PHLDB1: variants seen among roughly 807,000 people sequenced by gnomAD.
PHLDB1 encodes pleckstrin homology like domain family B member 1.
A neutral mutation model predicts 139.3 loss-of-function variants in PHLDB1; 65 were observed. The observed-to-expected ratio is 0.47, with a 90% confidence interval of 0.38 to 0.57. The LOEUF (loss-of-function observed/expected upper bound fraction) is 0.57, where lower values mean the gene tolerates loss of function less well. PHLDB1 is among the 20% of genes least tolerant of loss of function. The pLI is 0.00. For missense variants in PHLDB1, 1,624 were observed against 1,839.7 expected, an observed-to-expected ratio of 0.88 and a Z score of 2.14; for synonymous variants, 679 against 734.5, an observed-to-expected ratio of 0.92 and a Z score of 1.22.
At chr11:118,614,115 T>C (rs1309773943) in intron 2 of PHLDB1, among the ~76,000 whole-genome samples, 1 of 152,156 alleles carries the variant, frequency 6.6e-6, no homozygotes, top group African/African-American at 2.4e-5. Flanking sequence ...AGTTTACAGA[T>C]TGACCCTGGG....
Position 118,643,892 on chromosome 11 carries a change from C to A in PHLDB1, c.2970C>A (p.Ser990=). Residue 990 remains serine (S), a synonymous_variant, in exon 14 of 23, where the codon TCC becomes TCA. Transcript: ENST00000600882. The part of the protein sequence containing the change: ...PLPSSSGSSS[S]SSQLSVATLG... ...CCTCCTCCTCTGGCTCTTCCTCCTC[C>A]TCCTCCCAGCTCAGCGTGGCTACCC... is the stretch of plus-strand genomic sequence containing the variant. The A allele has an allele frequency of 6.2e-7, 1 of 1,611,546 alleles. No homozygotes were observed. Among genetic ancestry groups the A allele is most frequent in the Non-Finnish European group, 8.5e-7 (1 of 1,178,718 alleles).
intron 4 of PHLDB1, among the ~76,000 whole-genome samples, chr11:118,617,217 T>C (rs1418481328): frequency 2.6e-5 from 4 of 152,000 alleles, no homozygotes; most frequent in Non-Finnish European, 1.5e-5. Flanking sequence ...ATTAGGAGAA[T>C]GAGAAAAACA....
intron 14 of PHLDB1, 63 bp downstream of exon 14, chr11:118,644,003 A>T: frequency 6.3e-7 from 1 of 1,599,740 alleles, no homozygotes; most frequent in Non-Finnish European, 8.5e-7. Flanking sequence ...CCCTGGGGAG[A>T]GGCCAAGACC....
chr11:118,632,564 A>C lies in PHLDB1; in HGVS notation c.2379+268A>C. 3 of 496,246 alleles carry C rather than the reference A, an allele frequency of 6.0e-6. No individual in the cohort carries two copies. The highest frequency in any genetic ancestry group is 3.5e-5 in the East Asian group (1 of 28,754). The allele number at this position is 496,246 out of a possible 1,614,324, so 30.7% of individuals were successfully genotyped here. Reference sequence around the variant, plus strand: ...GGGTGCCTGCCATCCTAGGCCCTTTATGGCCCTTCTAGGAAGTGCCAAAGC... The same window carrying C: ...GGGTGCCTGCCATCCTAGGCCCTTTCTGGCCCTTCTAGGAAGTGCCAAAGC... On this transcript the variant is annotated intron_variant, in intron 9 of 22. Coordinates refer to ENST00000600882, the MANE Select transcript of PHLDB1 (RefSeq NM_001144758.3). The surrounding 1 kb of genome is among the most constrained non-coding windows in gnomAD (Gnocchi z 5.9).
At position 118,643,848 on chromosome 11, in the gene PHLDB1, AC is replaced by A; in HGVS notation, c.2929del (p.Arg977AlafsTer59). 6.2e-7 allele frequency: 1 copy of A among 1,607,506 alleles called. No individual in the cohort carries two copies. The highest frequency in any genetic ancestry group is 8.5e-7 in the Non-Finnish European group (1 of 1,177,218). ...CGAGGCCACCAGCCCCCTTCCCCGG[AC>A]CCGCAGCGGCCCCCTCCCCTCCTCC... ...DGEATSPLPRTRSGPLPSSSG... is the reference protein window; with the variant it reads ...DGEATSPLPRXRSGPLPSSSG... On this transcript the variant is annotated frameshift_variant, in exon 14 of 23. Coordinates refer to ENST00000600882, the MANE Select transcript of PHLDB1 (RefSeq NM_001144758.3). LOFTEE classifies it high-confidence loss of function.
chr11:118,635,078 G>C (rs1591632950), intron 9 of PHLDB1: 22 of 438,030 alleles, frequency 5.0e-5, no homozygotes, highest in Non-Finnish European at 5.9e-5. Context: ...CCCCTCCCCC[G>C]GCCCCGCGGG....
chr11:118,627,301 C>T lies in PHLDB1; in HGVS notation c.482-4C>T. Reference sequence around the variant, plus strand: ...AAGTCAAAGACCTTTGCATTTCCCTCCAGCAGAATCAGAAAGTCTGGTAAA... The same window carrying T: ...AAGTCAAAGACCTTTGCATTTCCCTTCAGCAGAATCAGAAAGTCTGGTAAA... On this transcript the variant is annotated splice_polypyrimidine_tract_variant and splice_region_variant and intron_variant, in intron 5 of 22. Coordinates refer to ENST00000600882, the MANE Select transcript of PHLDB1 (RefSeq NM_001144758.3). 1 of 1,612,936 alleles carries T rather than the reference C, an allele frequency of 6.2e-7. No homozygotes were observed. Among genetic ancestry groups the T allele is most frequent in the Non-Finnish European group, 8.5e-7 (1 of 1,179,700 alleles).
rs1458336973 is a variant in PHLDB1, at chr11:118,650,409, A to G, written c.3772-36A>G. ...CACACACTTAAGGCTTAAGGGCTGC[A>G]TATTTGGGTCCTTCCTTACTCCTGC... On this transcript the variant is annotated intron_variant, in intron 19 of 22. Transcript: ENST00000600882. This position sits in a 1 kb window ranked among gnomAD's most constrained non-coding sequence, Gnocchi z 4.7. 1 of 1,406,336 alleles carries G rather than the reference A, an allele frequency of 7.1e-7. No homozygotes were observed. The highest frequency in any genetic ancestry group is 1.4e-5 in the African/African-American group (1 of 71,018). 87.1% of individuals were successfully genotyped at this position (1,406,336 alleles called of 1,614,324 possible).
intron 4 of PHLDB1, among the ~76,000 whole-genome samples, chr11:118,621,169 G>A (rs1942692506): frequency 6.6e-6 from 1 of 152,058 alleles, no homozygotes; most frequent in Admixed American, 6.5e-5. Flanking sequence ...CCTTCACTCA[G>A]TCACCTCCCT....
intron 12 of PHLDB1, chr11:118,642,005 G>A: frequency 1.6e-6 from 1 of 610,734 alleles, no homozygotes; most frequent in Non-Finnish European, 2.9e-6. Context: ...TACATTCAGG[G>A]CAACTGTTGT....
chr11:118,635,069 C>T (rs782004723), intron 9 of PHLDB1: 3 of 508,242 alleles, frequency 5.9e-6, no homozygotes, highest in South Asian at 3.5e-5. Flanking sequence ...CCACCGCCCC[C>T]CCTCCCCCGG....
intron 4 of PHLDB1, 82 bp downstream of exon 4, chr11:118,616,293 G>C: frequency 7.8e-7 from 1 of 1,283,346 alleles, no homozygotes; most frequent in Non-Finnish European, 1.1e-6. Flanking sequence ...TGGCTGTGGT[G>C]GTTGCCATGG....
At chr11:118,631,638 G>A (rs1944822960) in intron 7 of PHLDB1, among the ~76,000 whole-genome samples, 159 bp downstream of exon 7, 1 of 152,188 alleles carries the variant, frequency 6.6e-6, no homozygotes, top group Non-Finnish European at 1.5e-5. Flanking sequence ...GAAGAGAAGG[G>A]AGGTGTTGAT....
At chr11:118,641,501 C>A in intron 12 of PHLDB1, 1 of 527,310 alleles carries the variant, frequency 1.9e-6, no homozygotes, top group Non-Finnish European at 2.8e-6. Context: ...TCCTAGGCTG[C>A]AGGCTCTGTA....
rs1022032877 is a variant in PHLDB1, at chr11:118,608,566, G to A, written c.-22+867G>A. ...TGCCGGGGACCCACGGCTCTGGGGC[G>A]GGGCTGCATTCTGGGCCGTTAGCTC... On this transcript the variant is annotated intron_variant, in intron 1 of 22. Coordinates refer to ENST00000600882, the MANE Select transcript of PHLDB1 (RefSeq NM_001144758.3). The surrounding 1 kb of genome is among the most constrained non-coding windows in gnomAD (Gnocchi z 6.7). 6.6e-6 allele frequency among the ~76,000 whole-genome samples: 1 copy of A among 152,126 alleles called. No individual in the cohort carries two copies. The highest frequency in any genetic ancestry group is 1.5e-5 in the Non-Finnish European group (1 of 67,986).
intron 12 of PHLDB1, chr11:118,641,917 G>C (rs1946596002): frequency 1.6e-6 from 1 of 632,304 alleles, no homozygotes; most frequent in Non-Finnish European, 2.4e-6. Flanking sequence ...GGCTCTGTCT[G>C]GTGGCTGGTT....
Position 118,620,362 on chromosome 11 carries a change from C to T in PHLDB1, c.355+4151C>T, listed in dbSNP as rs1331608793. Among the ~76,000 whole-genome samples, 2 of 152,204 alleles carry T rather than the reference C, an allele frequency of 1.3e-5. No homozygotes were observed. The highest frequency in any genetic ancestry group is 4.8e-5 in the African/African-American group (2 of 41,456). ...ACAAAATTTGCTGGGTGTGTGGTGG[C>T]GCATGCCTGTAGTCCCAGCTATGGG... is the stretch of plus-strand genomic sequence containing the variant. On this transcript the variant is annotated intron_variant, in intron 4 of 22. Coordinates refer to ENST00000600882, the MANE Select transcript of PHLDB1 (RefSeq NM_001144758.3). The surrounding 1 kb of genome is among the most constrained non-coding windows in gnomAD (Gnocchi z 4.1).
In PHLDB1 at chr11:118,611,832, A is replaced by AATAATAAT. The variant is rs1555084305; in HGVS notation, c.-21-1983_-21-1982insTAATAATA. On this transcript the variant is annotated intron_variant, in intron 1 of 22. Transcript: ENST00000600882. This position sits in a 1 kb window ranked among gnomAD's most constrained non-coding sequence, Gnocchi z 4.7. Reference sequence around the variant, plus strand: ...AAACTCCGTCTCAAAAAAAAAAAAAAAATAATAATAATAATAATAAATGGC... The same window carrying AATAATAAT: ...AAACTCCGTCTCAAAAAAAAAAAAAAATAATAATAATAATAATAATAATAATAAATGGC... Among the ~76,000 whole-genome samples, 72 of 147,082 alleles carry AATAATAAT rather than the reference A, an allele frequency of 4.9e-4. No individual in the cohort carries two copies. The East Asian group carries it at 9.9e-3, about 20-fold the overall frequency.
At chr11:118,644,705 C>T in intron 15 of PHLDB1, 1 of 1,288,036 alleles carries the variant, frequency 7.8e-7, no homozygotes, top group Non-Finnish European at 1.0e-6. Context: ...GAACGTTGGT[C>T]ATAGAGGGCA....
Sources: gnomAD v4.1 joint callset for allele counts (sites outside exome capture counted in the v4.1 genomes callset) on GRCh38, gnomAD v4.1.1 for gene constraint, Gnocchi (gnomAD v3.1) non-coding constraint, MANE v1.5 for transcripts, NCBI Gene and HGNC (gene_info 2026-07-23, HGNC 2026-07-21) for gene names.